Variants in RPS6KC1 observed in about 807,000 individuals in gnomAD.
RPS6KC1 encodes inactive ribosomal protein S6 kinase delta-1.
A neutral mutation model predicts 103.8 loss-of-function variants in RPS6KC1; 54 were observed. That is an observed-to-expected ratio of 0.52 (90% CI 0.42 to 0.65). The LOEUF is 0.65. Ranked by LOEUF, RPS6KC1 falls within the 30% of genes least tolerant of loss-of-function variation. The pLI is 0.00. For synonymous variants in RPS6KC1, 439 were observed against 438.7 expected, an observed-to-expected ratio of 1.00 and a Z score of -0.01; for missense variants, 1,151 against 1,253.8, an observed-to-expected ratio of 0.92 and a Z score of 1.24.
chr1:213,196,377 T>C (rs1357248887), intron 8 of RPS6KC1, among the ~76,000 whole-genome samples: 1 of 152,208 alleles, frequency 6.6e-6, no homozygotes, highest in Non-Finnish European at 1.5e-5. Flanking sequence ...AGATTCTCCG[T>C]ATTAGTCCTT....
At chr1:213,812,405 CT>C in the RPS6KC1 span, among the ~76,000 whole-genome samples, 2 of 152,186 alleles carry the variant, frequency 1.3e-5, no homozygotes, top group African/African-American at 4.8e-5. Context: ...AAATCTGTTT[CT>C]TTCCATAGCC....
chr1:213,228,228 A>G (rs1418690497), intron 8 of RPS6KC1, among the ~76,000 whole-genome samples: 1 of 152,188 alleles, frequency 6.6e-6, no homozygotes, highest in Non-Finnish European at 1.5e-5. Flanking sequence ...TGCCTGGGGG[A>G]ATATTTCAGG....
chr1:213,451,939 A>G, the RPS6KC1 span, among the ~76,000 whole-genome samples: 1 of 152,210 alleles, frequency 6.6e-6, no homozygotes, highest in African/African-American at 2.4e-5. Flanking sequence ...CTATTCCAGG[A>G]GAAGGCGAGA....
At chr1:213,666,376 G>A in the RPS6KC1 span, among the ~76,000 whole-genome samples, 7 of 152,132 alleles carry the variant, frequency 4.6e-5, no homozygotes, top group East Asian at 1.4e-3. Context: ...GCATGGCCCT[G>A]GCAGCAGCAG....
chr1:213,463,549 T>G, the RPS6KC1 span, among the ~76,000 whole-genome samples: 1 of 152,094 alleles, frequency 6.6e-6, no homozygotes, highest in Admixed American at 6.6e-5. Context: ...TTCACCAGGA[T>G]CTATCTACTT....
intron 8 of RPS6KC1, among the ~76,000 whole-genome samples, chr1:213,215,546 C>T (rs1250868726): frequency 5.9e-5 from 9 of 152,062 alleles, no homozygotes; most frequent in South Asian, 2.1e-4. Context: ...AGATACTCCT[C>T]GAGAAGAGCA....
chr1:213,063,297 G>A (rs994840546), intron 1 of RPS6KC1, among the ~76,000 whole-genome samples: 6 of 152,334 alleles, frequency 3.9e-5, no homozygotes, highest in South Asian at 2.1e-4. Flanking sequence ...TGAATACTTG[G>A]AATTTTAATC....
At chr1:213,499,562 T>G in the RPS6KC1 span, among the ~76,000 whole-genome samples, 1 of 152,166 alleles carries the variant, frequency 6.6e-6, no homozygotes, top group Non-Finnish European at 1.5e-5. Flanking sequence ...TATGAGACTC[T>G]CATGCCTCTG....
At chr1:213,715,377 T>C in the RPS6KC1 span, among the ~76,000 whole-genome samples, 2 of 152,238 alleles carry the variant, frequency 1.3e-5, no homozygotes, top group Non-Finnish European at 2.9e-5. Context: ...TTTCTGTCCC[T>C]CTGGAGCAAT....
the RPS6KC1 span, among the ~76,000 whole-genome samples, chr1:213,662,469 G>T: frequency 6.4e-3 from 954 of 148,182 alleles, 7 homozygotes; most frequent in Non-Finnish European, 8.1e-3. Context: ...TAGAGATGGG[G>T]TTTCACCATG....
chr1:213,548,032 G>C, the RPS6KC1 span, among the ~76,000 whole-genome samples: 1 of 152,212 alleles, frequency 6.6e-6, no homozygotes, highest in Non-Finnish European at 1.5e-5. Flanking sequence ...AGTAGAATTA[G>C]TCCTCATATC....
intron 8 of RPS6KC1, among the ~76,000 whole-genome samples, chr1:213,215,770 G>A (rs2093642640): frequency 6.6e-6 from 1 of 152,136 alleles, no homozygotes; most frequent in African/African-American, 2.4e-5. Context: ...TTCATATCCA[G>A]CCAAACTAAG....
the RPS6KC1 span, among the ~76,000 whole-genome samples, chr1:213,720,996 A>C: frequency 2.1e-3 from 309 of 145,882 alleles, no homozygotes; most frequent in Non-Finnish European, 4.2e-3. Context: ...CTATGAAACT[A>C]TTGAAGAAGT....
the RPS6KC1 span, among the ~76,000 whole-genome samples, chr1:213,395,933 A>C: frequency 2.0e-5 from 3 of 152,238 alleles, no homozygotes. Context: ...CCATAAAAGG[A>C]AGGCTCCGAA....
At chr1:213,625,690 T>C in the RPS6KC1 span, among the ~76,000 whole-genome samples, 2 of 152,250 alleles carry the variant, frequency 1.3e-5, no homozygotes, top group African/African-American at 4.8e-5. Flanking sequence ...TTTGGTTTTT[T>C]GTCCTTGCGA....
the RPS6KC1 span, among the ~76,000 whole-genome samples, chr1:213,617,094 T>C: frequency 6.6e-6 from 1 of 152,212 alleles, no homozygotes; most frequent in Non-Finnish European, 1.5e-5. Flanking sequence ...TACTACTTCA[T>C]TTCTGTTTCT....
chr1:213,481,317 T>C, the RPS6KC1 span, among the ~76,000 whole-genome samples: 3,712 of 152,314 alleles, frequency 0.024, 70 homozygotes, highest in East Asian at 0.052. Context: ...GAAACAAGGC[T>C]CTTTGAATTG....
At chr1:213,611,199 G>A in the RPS6KC1 span, among the ~76,000 whole-genome samples, 1 of 152,060 alleles carries the variant, frequency 6.6e-6, no homozygotes, top group Non-Finnish European at 1.5e-5. Context: ...ACAACATTTT[G>A]TAATGTTCTG....
the RPS6KC1 span, among the ~76,000 whole-genome samples, chr1:213,320,178 C>A: frequency 6.6e-6 from 1 of 152,158 alleles, no homozygotes; most frequent in Non-Finnish European, 1.5e-5. Flanking sequence ...AAGCAGAAGG[C>A]CTCCATCTTG....
Sources: gnomAD v4.1 joint callset for allele counts (sites outside exome capture counted in the v4.1 genomes callset) on GRCh38, gnomAD v4.1.1 for gene constraint, MANE v1.5 for transcripts, NCBI Gene and HGNC (gene_info 2026-07-23, HGNC 2026-07-21) for gene names.